The following ATP10A variants were observed in gnomAD, a reference collection of about 807,000 sequenced individuals.
ATP10A encodes the protein phospholipid-transporting ATPase VA.
ATP10A carries 111 observed loss-of-function variants against 147.8 expected under a neutral mutation model. That is an observed-to-expected ratio of 0.75 (90% CI 0.64 to 0.88). The LOEUF (loss-of-function observed/expected upper bound fraction) is 0.88, where lower values mean the gene tolerates loss of function less well. Ranked by LOEUF, ATP10A falls within the 40% of genes least tolerant of loss-of-function variation. The probability of loss-of-function intolerance (pLI) is 0.00; values close to 1 mark genes in which losing one functional copy is unlikely to be tolerated. For synonymous variants in ATP10A, 875 were observed against 841.6 expected, an observed-to-expected ratio of 1.04 and a Z score of -0.69; for missense variants, 1,927 against 1,959.0, an observed-to-expected ratio of 0.98 and a Z score of 0.31.
At chr15:25,757,240 A>G (rs1888463402) in intron 2 of ATP10A, among the ~76,000 whole-genome samples, 1 of 152,272 alleles carries the variant, frequency 6.6e-6, no homozygotes, top group Middle Eastern at 3.4e-3. Flanking sequence ...ACATAAAACA[A>G]TTGTTCTGTG....
At chr15:25,705,479 C>T (rs1900938933) in intron 12 of ATP10A, among the ~76,000 whole-genome samples, 1 of 107,070 alleles carries the variant, frequency 9.3e-6, no homozygotes, top group Non-Finnish European at 1.9e-5. Context: ...AAAAAAATCA[C>T]CTTCATGAAA....
intron 10 of ATP10A, chr15:25,709,525 T>C (rs1431808494): frequency 6.6e-6 from 1 of 152,140 alleles, no homozygotes; most frequent in Non-Finnish European, 1.5e-5. Context: ...GACACTGAGA[T>C]TAACCACTCT....
intron 1 of ATP10A, among the ~76,000 whole-genome samples, chr15:25,837,987 G>A (rs911329363): frequency 6.6e-5 from 10 of 152,212 alleles, no homozygotes; most frequent in Non-Finnish European, 8.8e-5. Flanking sequence ...CCAGGGCTCC[G>A]GGCCATGGAG....
intron 15 of ATP10A, among the ~76,000 whole-genome samples, chr15:25,688,357 C>T (rs1899815009): frequency 6.6e-6 from 1 of 152,180 alleles, no homozygotes; most frequent in South Asian, 2.1e-4. Context: ...ACTGGCCTCC[C>T]ACATACTCCC....
intron 13 of ATP10A, among the ~76,000 whole-genome samples, 161 bp from the exon 14 acceptor site, chr15:25,695,307 G>A (rs992262342): frequency 6.6e-6 from 1 of 152,178 alleles, no homozygotes; most frequent in Non-Finnish European, 1.5e-5. Context: ...TTCAGCCGGA[G>A]AGGATGACTT....
At chr15:25,769,650 G>C (rs570965286) in intron 2 of ATP10A, among the ~76,000 whole-genome samples, 1 of 152,270 alleles carries the variant, frequency 6.6e-6, no homozygotes, top group African/African-American at 2.4e-5. Context: ...TTCATCATGA[G>C]AAAGCATTTC....
At chr15:25,785,948 G>A (rs552394148) in intron 1 of ATP10A, among the ~76,000 whole-genome samples, 2 of 152,342 alleles carry the variant, frequency 1.3e-5, no homozygotes, top group South Asian at 4.1e-4. Context: ...TGCGGGGTCC[G>A]GTCTCCGGAG....
rs1899543995 is a variant in ATP10A, at chr15:25,683,505, G to GAACA, written c.3292-23_3292-20dup. The GAACA allele has an allele frequency of 6.3e-7, 1 of 1,598,848 alleles. No homozygotes were observed. On this transcript the variant is annotated intron_variant, in intron 16 of 20. Transcript: ENST00000555815. ...CGAACATCTGAAATCAAGAAAGGAA[G>GAACA]AACAGGAACAGGCGAGTCTTCAGCC...
intron 1 of ATP10A, among the ~76,000 whole-genome samples, chr15:25,792,409 A>AC (rs1335955161): frequency 6.6e-6 from 1 of 152,192 alleles, no homozygotes; most frequent in African/African-American, 2.4e-5. Flanking sequence ...TGCCCCAGCC[A>AC]GTCTGAGGTC....
At chr15:25,862,509 C>G in intron 1 of ATP10A, 139 bp downstream of exon 1, 2 of 1,089,632 alleles carry the variant, frequency 1.8e-6, no homozygotes, top group Middle Eastern at 6.1e-4. Context: ...CACCGGGTCC[C>G]GCGCAGCCGG....
intron 16 of ATP10A, among the ~76,000 whole-genome samples, chr15:25,685,502 C>T (rs1899664080): frequency 1.3e-5 from 2 of 152,188 alleles, no homozygotes; most frequent in Non-Finnish European, 2.9e-5. Context: ...TAGGGATCAG[C>T]TGGCTCAACT....
chr15:25,730,545 G>A (rs1439742178), intron 3 of ATP10A, among the ~76,000 whole-genome samples: 1 of 152,018 alleles, frequency 6.6e-6, no homozygotes, highest in African/African-American at 2.4e-5. Flanking sequence ...CTCTGTCCCC[G>A]ATGCGTCCCC....
At chr15:25,730,573 G>A (rs1268929033) in intron 3 of ATP10A, among the ~76,000 whole-genome samples, 1 of 152,058 alleles carries the variant, frequency 6.6e-6, no homozygotes, top group East Asian at 1.9e-4. Context: ...ACCCACTCCT[G>A]CAGAAACACC....
intron 2 of ATP10A, among the ~76,000 whole-genome samples, chr15:25,747,158 G>A (rs895205149): frequency 6.6e-6 from 1 of 151,792 alleles, no homozygotes; most frequent in Non-Finnish European, 1.5e-5. Flanking sequence ...CATGGTTGTG[G>A]GCTCCTGTAA....
chr15:25,767,822 C>T (rs1889109314), intron 2 of ATP10A, among the ~76,000 whole-genome samples: 1 of 152,264 alleles, frequency 6.6e-6, no homozygotes, highest in South Asian at 2.1e-4. Context: ...GCTGTCACCT[C>T]GCTGAAGTAC....
chr15:25,724,078 C>T, intron 5 of ATP10A, 57 bp from the exon 6 acceptor site: 1 of 1,431,136 alleles, frequency 7.0e-7, no homozygotes, highest in African/African-American at 1.5e-5. Flanking sequence ...AAGAATATTG[C>T]TAGCGTATAT....
chr15:25,749,927 G>A (rs897930353), intron 2 of ATP10A, among the ~76,000 whole-genome samples: 1 of 151,864 alleles, frequency 6.6e-6, no homozygotes, highest in Non-Finnish European at 1.5e-5. Flanking sequence ...CTATCCAAAC[G>A]GAAATACTAA....
intron 2 of ATP10A, among the ~76,000 whole-genome samples, chr15:25,747,510 G>A (rs1175435898): frequency 6.6e-6 from 1 of 151,240 alleles, no homozygotes; most frequent in Non-Finnish European, 1.5e-5. Context: ...GACAAATCTA[G>A]GAAAAAAGTA....
intron 1 of ATP10A, among the ~76,000 whole-genome samples, chr15:25,832,918 T>G (rs1376800578): frequency 6.6e-6 from 1 of 152,144 alleles, no homozygotes; most frequent in East Asian, 1.9e-4. Flanking sequence ...GCAATATCAC[T>G]CTGTGCTCCA....
Sources: gnomAD v4.1 joint callset for allele counts (sites outside exome capture counted in the v4.1 genomes callset) on GRCh38, gnomAD v4.1.1 for gene constraint, MANE v1.5 for transcripts, NCBI Gene and HGNC (gene_info 2026-07-23, HGNC 2026-07-21) for gene names.